ASIC2: variants seen among roughly 807,000 people sequenced by gnomAD.
The protein encoded by ASIC2 is acid-sensing ion channel 2.
A neutral mutation model predicts 57.3 loss-of-function variants in ASIC2; 25 were observed. The observed-to-expected ratio is 0.44, with a 90% CI of 0.32 to 0.61. The LOEUF (loss-of-function observed/expected upper bound fraction) is 0.61. ASIC2 is among the 20% of genes least tolerant of loss of function. ASIC2 has a pLI of 0.06. For missense variants in ASIC2, 641 were observed against 738.1 expected, an observed-to-expected ratio of 0.87 and a Z score of 1.52; for synonymous variants, 319 against 307.5, an observed-to-expected ratio of 1.04 and a Z score of -0.39.
intron 1 of ASIC2, among the ~76,000 whole-genome samples, chr17:33,897,081 G>A (rs68112479): frequency 0.13 from 19,048 of 152,204 alleles, 1,239 homozygotes; most frequent in South Asian, 0.2. Flanking sequence ...GGCACATTGG[G>A]AAATAGGGGT....
chr17:33,326,024 A>T (rs1024955142), intron 1 of ASIC2, among the ~76,000 whole-genome samples: 5 of 152,192 alleles, frequency 3.3e-5, no homozygotes, highest in Admixed American at 6.5e-5. Context: ...CTTCCTCTGT[A>T]GATAAGAAAA....
At chr17:33,339,561 T>C (rs781317283) in intron 1 of ASIC2, among the ~76,000 whole-genome samples, 2 of 152,240 alleles carry the variant, frequency 1.3e-5, no homozygotes, top group African/African-American at 4.8e-5. Flanking sequence ...TGGCAATTTA[T>C]GCAAAGACTA....
At chr17:33,183,789 T>C (rs1906080880) in intron 1 of ASIC2, among the ~76,000 whole-genome samples, 1 of 152,214 alleles carries the variant, frequency 6.6e-6, no homozygotes, top group African/African-American at 2.4e-5. Flanking sequence ...TTTCAAGATC[T>C]GCATTCCAAC....
chr17:33,166,053 G>A lies in ASIC2; in HGVS notation c.709-53986C>T, dbSNP rs371468401. ...TGTAATATCCAGAGACATTACGCAT[G>A]TATGGACACTGCACTCATTCCAACC... On this transcript the variant is annotated intron_variant, in intron 1 of 9. Transcript: ENST00000225823. Among the ~76,000 whole-genome samples, 2 of 152,320 alleles carry A rather than the reference G, an allele frequency of 1.3e-5. 1 individual carries two copies. Among genetic ancestry groups the A allele is most frequent in the Middle Eastern group, 6.8e-3 (2 of 294 alleles).
chr17:33,867,641 G>C (rs942911712), intron 1 of ASIC2, among the ~76,000 whole-genome samples: 2 of 152,240 alleles, frequency 1.3e-5, no homozygotes, highest in African/African-American at 4.8e-5. Flanking sequence ...CCTTCAGGGG[G>C]CTGAGGTTCT....
chr17:33,291,023 C>G (rs1211524755), intron 1 of ASIC2: 2 of 180,742 alleles, frequency 1.1e-5, no homozygotes, highest in Admixed American at 6.7e-5. Context: ...GAAGTCCGCA[C>G]TTAAGAGATC....
chr17:33,964,509 C>G (rs1032565628), intron 1 of ASIC2, among the ~76,000 whole-genome samples: 43 of 152,258 alleles, frequency 2.8e-4, no homozygotes, highest in Non-Finnish European at 1.2e-4. Context: ...TTCATTCTCC[C>G]TTTCACACCA....
intron 1 of ASIC2, among the ~76,000 whole-genome samples, chr17:33,350,105 C>T (rs1331206649): frequency 6.6e-6 from 1 of 152,190 alleles, no homozygotes; most frequent in Non-Finnish European, 1.5e-5. Context: ...TCGGTGGAGA[C>T]CCACCTTCCC....
intron 1 of ASIC2, among the ~76,000 whole-genome samples, chr17:33,219,080 C>T (rs530011342): frequency 6.6e-6 from 1 of 152,160 alleles, no homozygotes; most frequent in Non-Finnish European, 1.5e-5. Context: ...TAGGGTGAGT[C>T]ACTTCAGATT....
chr17:33,403,081 G>T (rs1000042740), intron 1 of ASIC2, among the ~76,000 whole-genome samples: 4 of 152,172 alleles, frequency 2.6e-5, no homozygotes, highest in Non-Finnish European at 5.9e-5. Context: ...TTTAGATTCT[G>T]CTGCCTCTAC....
chr17:33,799,812 C>T (rs1168778444), intron 1 of ASIC2, among the ~76,000 whole-genome samples: 2 of 152,094 alleles, frequency 1.3e-5, no homozygotes, highest in East Asian at 3.9e-4. Flanking sequence ...GTACTCTTTA[C>T]ATAGATGATA....
At chr17:33,105,595 G>A (rs2092231556) in intron 2 of ASIC2, among the ~76,000 whole-genome samples, 1 of 152,218 alleles carries the variant, frequency 6.6e-6, no homozygotes, top group African/African-American at 2.4e-5. Context: ...CTGGGTAACA[G>A]GCAGCAGTTG....
At chr17:34,085,489 C>T (rs1910078535) in intron 1 of ASIC2, among the ~76,000 whole-genome samples, 1 of 152,186 alleles carries the variant, frequency 6.6e-6, no homozygotes, top group Admixed American at 6.5e-5. Context: ...GGATATTGGT[C>T]TAAAATTCTC....
At chr17:33,579,812 G>C (rs9914685) in intron 1 of ASIC2, among the ~76,000 whole-genome samples, 75,237 of 151,654 alleles carry the variant, frequency 0.5, 19,188 homozygotes, top group African/African-American at 0.62. Flanking sequence ...ACACCCCTTG[G>C]ATTTCGGCGT....
At chr17:33,046,498 G>A (rs2091955479) in intron 3 of ASIC2, among the ~76,000 whole-genome samples, 1 of 152,154 alleles carries the variant, frequency 6.6e-6, no homozygotes. Context: ...GCCCAGGCTG[G>A]GAGTGTGAGG....
intron 1 of ASIC2, among the ~76,000 whole-genome samples, chr17:33,727,994 G>C (rs1166239554): frequency 6.6e-6 from 1 of 152,228 alleles, no homozygotes; most frequent in East Asian, 1.9e-4. Context: ...CTACAAGCTA[G>C]TTAGGGAGAT....
chr17:33,746,857 A>G (rs552849896), intron 1 of ASIC2, among the ~76,000 whole-genome samples: 1 of 152,332 alleles, frequency 6.6e-6, no homozygotes, highest in South Asian at 2.1e-4. Flanking sequence ...CACTGATTAC[A>G]ATGGGATGAA....
At chr17:33,221,062 A>G (rs1046054476) in intron 1 of ASIC2, among the ~76,000 whole-genome samples, 3 of 152,032 alleles carry the variant, frequency 2.0e-5, no homozygotes, top group Non-Finnish European at 4.4e-5. Context: ...CAGAGAGAGA[A>G]CTTGTCTCAA....
chr17:33,121,498 G>A (rs1005498021), intron 1 of ASIC2, among the ~76,000 whole-genome samples: 2 of 152,194 alleles, frequency 1.3e-5, no homozygotes, highest in African/African-American at 4.8e-5. Context: ...GGCGACAGCA[G>A]TGGTATTTAG....
Sources: allele counts gnomAD v4.1 joint callset (sites outside exome capture counted in the v4.1 genomes callset), GRCh38; gene constraint gnomAD v4.1.1; transcripts MANE v1.5; gene names NCBI Gene and HGNC (gene_info 2026-07-23, HGNC 2026-07-21).